The following FBXL17 variants were observed in gnomAD, a reference collection of about 807,000 sequenced individuals.
The protein encoded by FBXL17 is F-box and leucine rich repeat protein 17.
A neutral mutation model predicts 66.2 loss-of-function variants in FBXL17; 22 were observed. The observed-to-expected ratio is 0.33, with a 90% CI of 0.24 to 0.47. FBXL17 has a LOEUF of 0.47. FBXL17 is among the 20% of genes least tolerant of loss of function. FBXL17 has a pLI of 1.00. For missense variants in FBXL17, 878 were observed against 948.2 expected (o/e 0.93, Z 0.97); for synonymous variants, 474 against 400.5 (o/e 1.18, Z -2.19).
At position 107,861,258 on chromosome 5, in the gene FBXL17, C is replaced by T. The variant is rs12188414; in HGVS notation, c.*462G>A. 0.17 allele frequency: 25,194 copies of T among 151,372 alleles called. 2,288 individuals carry two copies. Among genetic ancestry groups the T allele is most frequent in the Middle Eastern group, 0.27 (80 of 292 alleles). The allele number at this position is 151,372 out of a possible 1,614,324, so 9.4% of individuals were successfully genotyped here. On this transcript the variant is annotated 3_prime_UTR_variant, in exon 9 of 9. Transcript: ENST00000542267. ...ATCAGAGCCCTGGTGTAGATGTGCA[C>T]ACGTGTGAATATGTGAGAGAGTGTA...
At chr5:108,149,997 G>C (rs1751706274) in intron 6 of FBXL17, among the ~76,000 whole-genome samples, 2 of 152,070 alleles carry the variant, frequency 1.3e-5, no homozygotes, top group South Asian at 4.1e-4. Context: ...AGAAAGAGTA[G>C]AATGTACACC....
intron 4 of FBXL17, among the ~76,000 whole-genome samples, chr5:108,294,356 G>A (rs1758258916): frequency 6.7e-6 from 1 of 150,314 alleles, no homozygotes; most frequent in Non-Finnish European, 1.5e-5. Flanking sequence ...AAAAAAGGAT[G>A]AATTCTTCTT....
chr5:107,877,908 C>T (rs1284451068), intron 8 of FBXL17, among the ~76,000 whole-genome samples: 3 of 152,126 alleles, frequency 2.0e-5, no homozygotes, highest in African/African-American at 7.2e-5. Context: ...ATCTTCTTCT[C>T]CGTTCCCTAA....
intron 8 of FBXL17, among the ~76,000 whole-genome samples, chr5:107,868,573 C>T (rs1748350540): frequency 6.6e-6 from 1 of 152,218 alleles, no homozygotes; most frequent in Non-Finnish European, 1.5e-5. Context: ...CATAAAAACA[C>T]TTTCCCTTGT....
At chr5:108,193,690 C>CTCTA (rs1753562461) in intron 5 of FBXL17, among the ~76,000 whole-genome samples, 2 of 151,516 alleles carry the variant, frequency 1.3e-5, no homozygotes, top group South Asian at 2.1e-4. Context: ...CTGAAAGGCT[C>CTCTA]TAAATAGCCT....
chr5:108,301,752 G>T (rs1432374823), intron 4 of FBXL17, among the ~76,000 whole-genome samples: 1 of 151,486 alleles, frequency 6.6e-6, no homozygotes, highest in Non-Finnish European at 1.5e-5. Flanking sequence ...CAAGAGACAG[G>T]ATTTTTCCAT....
intron 7 of FBXL17, among the ~76,000 whole-genome samples, chr5:107,931,812 T>A (rs1302430750): frequency 6.6e-6 from 1 of 152,220 alleles, no homozygotes; most frequent in Non-Finnish European, 1.5e-5. Context: ...TAAATTCAAG[T>A]ATTTATCAAT....
intron 4 of FBXL17, among the ~76,000 whole-genome samples, chr5:108,309,465 A>G (rs1457206407): frequency 6.6e-6 from 1 of 152,012 alleles, no homozygotes; most frequent in Non-Finnish European, 1.5e-5. Flanking sequence ...TTTAAAAACA[A>G]AGGAAACAAT....
intron 7 of FBXL17, among the ~76,000 whole-genome samples, chr5:108,015,209 T>A (rs563455114): frequency 3.3e-5 from 5 of 152,192 alleles, no homozygotes; most frequent in African/African-American, 1.2e-4. Context: ...ACTTTTAAGA[T>A]GAACATAAAA....
At position 107,872,886 on chromosome 5, in the gene FBXL17, C is replaced by A. The variant is rs147989547; in HGVS notation, c.1965+8151G>T. On this transcript the variant is annotated intron_variant, in intron 8 of 8. Transcript: ENST00000542267. ...AATGCAGAGATAGCAGCAAAGCTGG[C>A]AGTCTGGTGAAATGGAAGACAAGAG... Among the ~76,000 whole-genome samples the A allele has an allele frequency of 1.4e-3, 214 of 152,284 alleles. 1 individual carries two copies. Among genetic ancestry groups the A allele is most frequent in the Non-Finnish European group, 2.6e-3 (177 of 68,032 alleles).
intron 8 of FBXL17, among the ~76,000 whole-genome samples, chr5:107,863,306 G>T (rs1748182090): frequency 6.6e-6 from 1 of 151,204 alleles, no homozygotes; most frequent in African/African-American, 2.4e-5. Context: ...GCATATTTTT[G>T]ATACTATCCA....
intron 6 of FBXL17, among the ~76,000 whole-genome samples, chr5:108,041,660 T>G (rs1208378996): frequency 2.6e-5 from 4 of 152,094 alleles, no homozygotes; most frequent in Admixed American, 6.6e-5. Flanking sequence ...TCAAGTGATC[T>G]TCCCACCTGG....
chr5:108,042,840 CTT>C (rs915791883), intron 6 of FBXL17, among the ~76,000 whole-genome samples: 50 of 152,316 alleles, frequency 3.3e-4, no homozygotes, highest in African/African-American at 1.1e-3. Flanking sequence ...TGACTACACT[CTT>C]TAACACTTTA....
intron 6 of FBXL17, among the ~76,000 whole-genome samples, chr5:108,136,859 T>G (rs765265425): frequency 6.6e-6 from 1 of 152,164 alleles, no homozygotes; most frequent in Non-Finnish European, 1.5e-5. Context: ...AAAGGAAGAT[T>G]TGATGAATCC....
chr5:108,117,477 T>C (rs1750305446), intron 6 of FBXL17, among the ~76,000 whole-genome samples: 1 of 152,158 alleles, frequency 6.6e-6, no homozygotes, highest in Non-Finnish European at 1.5e-5. Context: ...GATTTATAAA[T>C]TGAGCTTAAA....
At chr5:107,951,839 A>C (rs1042682176) in intron 7 of FBXL17, among the ~76,000 whole-genome samples, 3 of 152,254 alleles carry the variant, frequency 2.0e-5, no homozygotes, top group African/African-American at 4.8e-5. Flanking sequence ...ATAGATCAAC[A>C]GTAGCAACAA....
chr5:108,257,467 C>T (rs112887658), intron 4 of FBXL17, among the ~76,000 whole-genome samples: 15 of 152,212 alleles, frequency 9.9e-5, no homozygotes, highest in African/African-American at 3.4e-4. Flanking sequence ...ATACTGAGAA[C>T]AAATGAGCGA....
In FBXL17 at chr5:108,298,935, AT is replaced by A. The variant is rs1441585308; in HGVS notation, c.1506+49463del. The A allele has an allele frequency of 5.3e-6, 5 of 948,334 alleles. No individual in the cohort carries two copies. In the Admixed American group the frequency reaches 2.5e-4, roughly 47 times the overall value. 58.7% of individuals were successfully genotyped at this position (948,334 alleles called of 1,614,324 possible). A position where few individuals can be genotyped will look rare whatever the true frequency, so the allele number is the denominator to read the frequency against. On this transcript the variant is annotated intron_variant, in intron 4 of 8. Transcript: ENST00000542267. ...AGTATAGCACACTGATTTAAATAAT[AT>A]TATTTACTTTCAGTTTCATATATAG...
At chr5:108,114,795 C>T (rs1393478737) in intron 6 of FBXL17, among the ~76,000 whole-genome samples, 1 of 152,128 alleles carries the variant, frequency 6.6e-6, no homozygotes, top group African/African-American at 2.4e-5. Context: ...TTAGGGTGAA[C>T]ATATTTATCA....
Sources: gnomAD v4.1 joint callset for allele counts (sites outside exome capture counted in the v4.1 genomes callset) on GRCh38, gnomAD v4.1.1 for gene constraint, MANE v1.5 for transcripts, NCBI Gene and HGNC (gene_info 2026-07-23, HGNC 2026-07-21) for gene names.